Variants in RPL34 observed in about 807,000 individuals in gnomAD.
The protein encoded by RPL34 is ribosomal protein L34, also known as large ribosomal subunit protein eL34.
Under a neutral mutation model 16.3 loss-of-function variants are expected in RPL34, and 2 were observed. The ratio of observed to expected loss-of-function variants is 0.12; its 90% confidence interval spans 0.05 to 0.39. The LOEUF is 0.39. RPL34 is among the 10% of genes least tolerant of loss of function. RPL34 has a pLI of 0.99. For synonymous variants in RPL34, 47 were observed against 48.5 expected, an observed-to-expected ratio of 0.97 and a Z score of 0.13; for missense variants, 82 against 148.8, an observed-to-expected ratio of 0.55 and a Z score of 2.33.
At chr4:108,622,333 C>A in intron 3 of RPL34, 129 bp downstream of exon 3, 1 of 828,286 alleles carries the variant, frequency 1.2e-6, no homozygotes, top group South Asian at 1.5e-5. Flanking sequence ...CATTCATGAG[C>A]CAAATCTGCC....
At chr4:108,630,298 TCTGGTA>T (rs1243263764), downstream of RPL34, 1 of 152,166 alleles carries the variant, frequency 6.6e-6, no homozygotes, top group Non-Finnish European at 1.5e-5. Context: ...CTGATATATA[TCTGGTA>T]CATGTTTGAT....
downstream of RPL34, among the ~76,000 whole-genome samples, chr4:108,626,574 G>A (rs530645379): frequency 1.2e-3 from 189 of 151,310 alleles, no homozygotes; most frequent in South Asian, 4.8e-3. Flanking sequence ...GCCTCCTGAG[G>A]ATTACAGGCG....
chr4:108,627,588 G>A (rs765957118), downstream of RPL34, among the ~76,000 whole-genome samples: 10 of 152,030 alleles, frequency 6.6e-5, no homozygotes, highest in Admixed American at 2.6e-4. Context: ...ACCGCCAGGC[G>A]CGGTGGCTCA....
At chr4:108,622,054 A>G (rs1209348184) in intron 2 of RPL34, 30 bp downstream of exon 2, 3 of 1,595,842 alleles carry the variant, frequency 1.9e-6, no homozygotes, top group Non-Finnish European at 2.6e-6. Flanking sequence ...TTAAGTATAT[A>G]TTGTCATTTA....
downstream of RPL34, among the ~76,000 whole-genome samples, chr4:108,628,535 A>G (rs567949862): frequency 4.6e-5 from 7 of 152,240 alleles, no homozygotes; most frequent in South Asian, 8.3e-4. Flanking sequence ...TGCCACCCCA[A>G]CCTGAGTTCT....
At chr4:108,624,999 G>A in intron 4 of RPL34, 129 bp from the exon 5 acceptor site, 1 of 637,012 alleles carries the variant, frequency 1.6e-6, no homozygotes, top group Non-Finnish European at 2.8e-6. Flanking sequence ...CTCTGTATTT[G>A]TGTATCCTGT....
exon 6 of RPL34, chr4:108,630,391 C>T (rs558559369): frequency 1.3e-5 from 2 of 152,012 alleles, no homozygotes; most frequent in Admixed American, 6.6e-5. Context: ...TTTATAAAAT[C>T]CAAAATGAGC....
At chr4:108,620,763 CTT>C (rs1725723581) in intron 1 of RPL34, 163 bp downstream of exon 1, 1 of 153,940 alleles carries the variant, frequency 6.5e-6, no homozygotes. Context: ...TTACTTTGAT[CTT>C]TGGAAATCCC....
At chr4:108,622,249 T>TA (rs772767320) in intron 3 of RPL34, 45 bp downstream of exon 3, 8 of 1,337,978 alleles carry the variant, frequency 6.0e-6, no homozygotes, top group Middle Eastern at 1.8e-4. Flanking sequence ...GTCTTGAACT[T>TA]ACTGAGCTTT....
chr4:108,630,230 T>C (rs1726130360), downstream of RPL34: 1 of 152,200 alleles, frequency 6.6e-6, no homozygotes, highest in Non-Finnish European at 1.5e-5. Context: ...CATCCCTAGA[T>C]ACTACTCAAG....
chr4:108,626,574 G>T (rs530645379), downstream of RPL34, among the ~76,000 whole-genome samples: 4 of 151,200 alleles, frequency 2.6e-5, no homozygotes, highest in Non-Finnish European at 4.4e-5. Flanking sequence ...GCCTCCTGAG[G>T]ATTACAGGCG....
chr4:108,627,265 C>T (rs1467106098), downstream of RPL34, among the ~76,000 whole-genome samples: 1 of 152,066 alleles, frequency 6.6e-6, no homozygotes, highest in African/African-American at 2.4e-5. Context: ...TTTCTTAGGC[C>T]AGACCCAGTG....
chr4:108,628,769 T>C (rs1298525831), downstream of RPL34, among the ~76,000 whole-genome samples: 1 of 152,228 alleles, frequency 6.6e-6, no homozygotes, highest in African/African-American at 2.4e-5. Flanking sequence ...TTGTAGACTA[T>C]TTGGAAAGTT....
chr4:108,622,512 C>T lies in RPL34; in HGVS notation c.166-3C>T. On this transcript the variant is annotated splice_region_variant and splice_polypyrimidine_tract_variant and intron_variant, in intron 3 of 4. Transcript: ENST00000394667. ...CAAAAATCTTAATATTTTTCTTATG[C>T]AGGTTCGTGCTGTAAGACCTAAAGT... The T allele has an allele frequency of 6.2e-7, 1 of 1,604,054 alleles. No homozygotes were observed. Among genetic ancestry groups the T allele is most frequent in the Non-Finnish European group, 8.5e-7 (1 of 1,172,726 alleles).
downstream of RPL34, among the ~76,000 whole-genome samples, chr4:108,627,320 A>G (rs975253848): frequency 6.6e-6 from 1 of 152,170 alleles, no homozygotes. Flanking sequence ...ATGCTGAGGC[A>G]GGAGGATCAC....
At chr4:108,626,276 G>A (rs1725996752), downstream of RPL34, among the ~76,000 whole-genome samples, 1 of 151,510 alleles carries the variant, frequency 6.6e-6, no homozygotes, top group Non-Finnish European at 1.5e-5. Context: ...TGGGACTACA[G>A]GTAGGCACCA....
downstream of RPL34, among the ~76,000 whole-genome samples, chr4:108,628,211 T>C (rs116574217): frequency 8.9e-3 from 1,361 of 152,330 alleles, 26 homozygotes; most frequent in African/African-American, 0.031. Context: ...GATAATAGAA[T>C]TAATTATCTT....
Position 108,622,888 on chromosome 4 carries a change from AAGAT to A in RPL34, c.269+275_269+278del, listed in dbSNP as rs958123045. 92 of 333,672 alleles carry A rather than the reference AAGAT, an allele frequency of 2.8e-4. 1 individual carries two copies. Among genetic ancestry groups the A allele is most frequent in the African/African-American group, 1.7e-3 (81 of 46,458 alleles). The allele number at this position is 333,672 out of a possible 1,614,324, so 20.7% of individuals were successfully genotyped here. A position where few individuals can be genotyped will look rare whatever the true frequency, so the allele number is the denominator to read the frequency against. Reference sequence around the variant, plus strand: ...AAAGTCTCTGTTAGTGGTTTGGACAAAGATAGATGGAGTGTGGAAGGTGTTAAAA... The same window carrying A: ...AAAGTCTCTGTTAGTGGTTTGGACAAAGATGGAGTGTGGAAGGTGTTAAAA... On this transcript the variant is annotated intron_variant, in intron 4 of 4. Transcript: ENST00000394667.
downstream of RPL34, among the ~76,000 whole-genome samples, chr4:108,626,395 G>T (rs1726001523): frequency 6.6e-6 from 1 of 151,094 alleles, no homozygotes; most frequent in Non-Finnish European, 1.5e-5. Flanking sequence ...CTCCCAGCGT[G>T]CCAGGATTAC....
Sources: allele counts gnomAD v4.1 joint callset (sites outside exome capture counted in the v4.1 genomes callset), GRCh38; gene constraint gnomAD v4.1.1; transcripts MANE v1.5; gene names NCBI Gene and HGNC (gene_info 2026-07-23, HGNC 2026-07-21).